PCSK5: variants seen among roughly 807,000 people sequenced by gnomAD.
The protein encoded by PCSK5 is proprotein convertase subtilisin/kexin type 5.
A neutral mutation model predicts 233.2 loss-of-function variants in PCSK5; 129 were observed. That is an observed-to-expected ratio of 0.55 (90% CI 0.48 to 0.64). The LOEUF (loss-of-function observed/expected upper bound fraction) is 0.64. Among genes scored for constraint, PCSK5 ranks in the 30% least tolerant of loss-of-function variants. The pLI is 0.00. For synonymous variants in PCSK5, 825 were observed against 879.2 expected (o/e 0.94, Z 1.09); for missense variants, 2,076 against 2,430.1 (o/e 0.85, Z 3.06).
At chr9:75,990,325 CTT>C (rs770804243) in intron 3 of PCSK5, among the ~76,000 whole-genome samples, 5 of 152,180 alleles carry the variant, frequency 3.3e-5, no homozygotes, top group Non-Finnish European at 7.3e-5. Context: ...CTGCGTGTCT[CTT>C]TTAATTAATT....
At chr9:76,090,495 C>T (rs115206263) in intron 7 of PCSK5, among the ~76,000 whole-genome samples, 2,375 of 152,252 alleles carry the variant, frequency 0.016, 51 homozygotes, top group South Asian at 0.068. Flanking sequence ...AAACCATACT[C>T]GCAGGAATAA....
intron 3 of PCSK5, among the ~76,000 whole-genome samples, chr9:76,009,362 C>G (rs570127085): frequency 6.6e-6 from 1 of 151,732 alleles, no homozygotes; most frequent in African/African-American, 2.4e-5. Flanking sequence ...TTCAAGTAAC[C>G]TTTAAAAATC....
intron 3 of PCSK5, among the ~76,000 whole-genome samples, chr9:76,005,473 A>G (rs566462820): frequency 6.6e-6 from 1 of 152,330 alleles, no homozygotes; most frequent in Admixed American, 6.5e-5. Flanking sequence ...TTTTGCTTTT[A>G]TCACTTAATC....
intron 23 of PCSK5, among the ~76,000 whole-genome samples, chr9:76,240,296 A>G (rs893494223): frequency 1.3e-5 from 2 of 152,220 alleles, no homozygotes; most frequent in Non-Finnish European, 2.9e-5. Context: ...CTGTTCATTT[A>G]CATACCCAAT....
chr9:76,356,078 C>G (rs895033496), intron 37 of PCSK5, among the ~76,000 whole-genome samples: 3 of 152,208 alleles, frequency 2.0e-5, no homozygotes, highest in Admixed American at 6.5e-5. Flanking sequence ...TTCCCACCCC[C>G]ACGAGCAGCT....
chr9:76,067,324 G>A (rs1432419297), intron 5 of PCSK5, among the ~76,000 whole-genome samples: 6 of 152,106 alleles, frequency 3.9e-5, no homozygotes, highest in Admixed American at 6.6e-5. Context: ...TAAAATAAGT[G>A]TGGATAACAT....
intron 2 of PCSK5, among the ~76,000 whole-genome samples, chr9:75,956,280 T>C (rs1365400624): frequency 6.6e-6 from 1 of 152,224 alleles, no homozygotes; most frequent in African/African-American, 2.4e-5. Flanking sequence ...CACTCTTTTA[T>C]CTAGTTTAAT....
At position 76,296,878 on chromosome 9, in the gene PCSK5, C is replaced by A. The variant is rs200542110; in HGVS notation, c.3523+13C>A. 2.7e-5 allele frequency: 42 copies of A among 1,584,226 alleles called. No homozygotes were observed. Among genetic ancestry groups the A allele is most frequent in the East Asian group, 4.5e-5 (2 of 44,554 alleles). On this transcript the variant is annotated intron_variant, in intron 27 of 37. Transcript: ENST00000674117. ...AAATTCTGGAATGGTATGTGCCCCC[C>A]AAAAAAGAGGTCACAGGGGTCTAGC...
chr9:76,232,294 C>A (rs1826116775), intron 21 of PCSK5, among the ~76,000 whole-genome samples: 1 of 152,206 alleles, frequency 6.6e-6, no homozygotes, highest in African/African-American at 2.4e-5. Flanking sequence ...TCAGATGTCC[C>A]AGGCCTGGAT....
At chr9:75,926,455 T>C (rs1823492869) in intron 1 of PCSK5, among the ~76,000 whole-genome samples, 1 of 152,198 alleles carries the variant, frequency 6.6e-6, no homozygotes, top group Non-Finnish European at 1.5e-5. Context: ...TGTCACTTAA[T>C]AGGGTGCTGG....
intron 20 of PCSK5, chr9:76,193,974 G>A (rs893236699): frequency 6.6e-6 from 1 of 152,262 alleles, no homozygotes; most frequent in Non-Finnish European, 1.5e-5. Flanking sequence ...TTATGTACTG[G>A]TTTTTGCATT....
chr9:76,007,992 C>A (rs1827557882), intron 3 of PCSK5, among the ~76,000 whole-genome samples: 1 of 152,054 alleles, frequency 6.6e-6, no homozygotes, highest in South Asian at 2.1e-4. Flanking sequence ...CTCCTTCACT[C>A]CCAGAACTGG....
intron 1 of PCSK5, among the ~76,000 whole-genome samples, chr9:75,922,507 C>T (rs1319558136): frequency 2.6e-5 from 4 of 152,132 alleles, no homozygotes; most frequent in Admixed American, 6.5e-5. Context: ...TGGCCAGAAA[C>T]AGGGAAGACC....
intron 13 of PCSK5, among the ~76,000 whole-genome samples, chr9:76,173,392 G>C (rs560771910): frequency 3.1e-4 from 46 of 150,196 alleles, no homozygotes; most frequent in Non-Finnish European, 6.2e-4. Flanking sequence ...CTTCCTACCA[G>C]CATATGCCTA....
chr9:76,205,504 G>A (rs1825079540), intron 20 of PCSK5, among the ~76,000 whole-genome samples: 1 of 152,136 alleles, frequency 6.6e-6, no homozygotes, highest in Non-Finnish European at 1.5e-5. Flanking sequence ...CCCTCCTCCA[G>A]AATCTAACTC....
intron 27 of PCSK5, among the ~76,000 whole-genome samples, chr9:76,301,758 C>A (rs1405218052): frequency 1.3e-5 from 2 of 152,052 alleles, no homozygotes; most frequent in South Asian, 4.1e-4. Context: ...GCAGGAGAAT[C>A]GCTTGAACCT....
At chr9:76,160,046 C>T (rs940157936) in intron 12 of PCSK5, among the ~76,000 whole-genome samples, 2 of 152,100 alleles carry the variant, frequency 1.3e-5, no homozygotes, top group Non-Finnish European at 2.9e-5. Flanking sequence ...TGGTCTCGAT[C>T]TCCTGACCTC....
chr9:76,040,277 T>C (rs1829038330), intron 5 of PCSK5, among the ~76,000 whole-genome samples: 2 of 151,732 alleles, frequency 1.3e-5, no homozygotes, highest in African/African-American at 4.8e-5. Flanking sequence ...GCACCTGCTA[T>C]TAAGAGCATA....
intron 8 of PCSK5, among the ~76,000 whole-genome samples, chr9:76,097,361 G>A (rs1831576550): frequency 7.6e-6 from 1 of 132,370 alleles, no homozygotes; most frequent in Non-Finnish European, 1.5e-5. Context: ...CCGGGTTCAC[G>A]CCATTCTCCT....
Sources: allele counts gnomAD v4.1 joint callset (sites outside exome capture counted in the v4.1 genomes callset), GRCh38; gene constraint gnomAD v4.1.1; transcripts MANE v1.5; gene names NCBI Gene and HGNC (gene_info 2026-07-23, HGNC 2026-07-21).